E2F7: variants seen among roughly 807,000 people sequenced by gnomAD.
The protein encoded by E2F7 is transcription factor E2F7.
Under a neutral mutation model 81.1 loss-of-function variants are expected in E2F7, and 35 were observed. The ratio of observed to expected loss-of-function variants is 0.43; its 90% confidence interval spans 0.33 to 0.57. The LOEUF (loss-of-function observed/expected upper bound fraction) is 0.57. E2F7 is among the 20% of genes least tolerant of loss of function. E2F7 has a pLI of 0.04. For synonymous variants in E2F7, 416 were observed against 416.2 expected (o/e 1.00, Z 0.01); for missense variants, 961 against 1,093.7 (o/e 0.88, Z 1.71).
chr12:77,046,414 A>C, intron 4 of E2F7, 86 bp from the exon 5 acceptor site: 1 of 1,436,528 alleles, frequency 7.0e-7, no homozygotes. Flanking sequence ...TATATCTGTG[A>C]ACTACTTTGT....
At chr12:77,045,685 T>G in intron 5 of E2F7, 1 of 214,064 alleles carries the variant, frequency 4.7e-6, no homozygotes, top group Non-Finnish European at 9.4e-6. Flanking sequence ...TCTACTCCAG[T>G]ATATAATTAG....
chr12:77,051,338 A>C (rs1954986626), intron 3 of E2F7, among the ~76,000 whole-genome samples: 1 of 152,240 alleles, frequency 6.6e-6, no homozygotes, highest in African/African-American at 2.4e-5. Context: ...GCCCCAAGAA[A>C]GTAAAAGGCT....
At chr12:77,038,825 A>G (rs978447081) in intron 7 of E2F7, among the ~76,000 whole-genome samples, 1 of 152,176 alleles carries the variant, frequency 6.6e-6, no homozygotes, top group Non-Finnish European at 1.5e-5. Context: ...AAAGTTTTTA[A>G]CTACAGATAA....
chr12:77,041,549 CATT>C (rs1248803078), intron 7 of E2F7, among the ~76,000 whole-genome samples: 2 of 152,158 alleles, frequency 1.3e-5, no homozygotes, highest in Admixed American at 1.3e-4. Flanking sequence ...CTCTTTTAAT[CATT>C]GTCTGAAGAC....
chr12:77,039,851 T>C (rs1474993365), intron 7 of E2F7, among the ~76,000 whole-genome samples: 1 of 152,164 alleles, frequency 6.6e-6, no homozygotes, highest in Admixed American at 6.5e-5. Context: ...TACAAAGACA[T>C]GTACATAAAT....
At chr12:77,035,524 G>A (rs565043222) in intron 7 of E2F7, among the ~76,000 whole-genome samples, 7 of 152,244 alleles carry the variant, frequency 4.6e-5, no homozygotes, top group South Asian at 2.1e-4. Context: ...TGGGGAAAAC[G>A]TACTAAAGAC....
At chr12:77,037,315 G>A (rs137890356) in intron 7 of E2F7, among the ~76,000 whole-genome samples, 6 of 152,148 alleles carry the variant, frequency 3.9e-5, no homozygotes, top group African/African-American at 1.4e-4. Context: ...TGTGGGCCAG[G>A]CATAGTAGTT....
intron 7 of E2F7, among the ~76,000 whole-genome samples, chr12:77,037,461 C>A (rs892290475): frequency 6.6e-6 from 1 of 152,118 alleles, no homozygotes; most frequent in Non-Finnish European, 1.5e-5. Flanking sequence ...CAGTAACACA[C>A]TATGGGGTTT....
At chr12:77,033,245 G>T in intron 8 of E2F7, 123 bp from the exon 9 acceptor site, 1 of 901,930 alleles carries the variant, frequency 1.1e-6, no homozygotes, top group Non-Finnish European at 1.6e-6. Flanking sequence ...AATCTGTTAT[G>T]GTTTTGATTC....
intron 5 of E2F7, among the ~76,000 whole-genome samples, chr12:77,045,468 T>C (rs1954932280): frequency 6.6e-6 from 1 of 152,164 alleles, no homozygotes; most frequent in African/African-American, 2.4e-5. Context: ...TTCCATTTCT[T>C]ATATTTGCAA....
intron 2 of E2F7, among the ~76,000 whole-genome samples, chr12:77,060,504 A>G (rs1242516302): frequency 6.6e-6 from 1 of 152,186 alleles, no homozygotes; most frequent in Non-Finnish European, 1.5e-5. Flanking sequence ...ATCTCAAACA[A>G]TATACACAGT....
Position 77,046,194 on chromosome 12 carries a change from G to A in E2F7, c.673C>T (p.Leu225=), listed in dbSNP as rs779114667. The A allele has an allele frequency of 1.9e-5, 31 of 1,614,172 alleles. No individual in the cohort carries two copies. The highest frequency in any genetic ancestry group is 2.5e-5 in the Non-Finnish European group (29 of 1,180,032). The change falls in exon 5 of 13, where the codon CTA becomes TTA. Residue 225 remains leucine, a synonymous_variant. Transcript: ENST00000322886. ...TCTTCATATTTCTGCTCCTCTCCTAGTCTCTGGAGGTTCCTCAGGGTTTTT... is the reference window on the plus strand; with the variant it reads ...TCTTCATATTTCTGCTCCTCTCCTAATCTCTGGAGGTTCCTCAGGGTTTTT... ...LPKTLRNLQR[L]GEEQKYEEQM... is the part of the protein sequence containing the mutation.
intron 6 of E2F7, among the ~76,000 whole-genome samples, chr12:77,043,891 A>G (rs1325244800): frequency 1.3e-5 from 2 of 152,200 alleles, no homozygotes; most frequent in African/African-American, 2.4e-5. Context: ...CTATTCAAGA[A>G]ATTGATTTAC....
chr12:77,044,591 C>T (rs758793186), intron 6 of E2F7, 46 bp downstream of exon 6: 18 of 1,592,002 alleles, frequency 1.1e-5, no homozygotes, highest in Non-Finnish European at 1.5e-5. Flanking sequence ...CACATGAAAT[C>T]CCACCCTTTA....
chr12:77,043,230 G>A, intron 6 of E2F7, 31 bp from the exon 7 acceptor site: 1 of 1,613,444 alleles, frequency 6.2e-7, no homozygotes, highest in Non-Finnish European at 8.5e-7. Context: ...TTACGGTCAT[G>A]CTGCCTGTGA....
chr12:77,035,082 C>A (rs1450663538), intron 7 of E2F7, among the ~76,000 whole-genome samples: 1 of 152,204 alleles, frequency 6.6e-6, no homozygotes, highest in African/African-American at 2.4e-5. Context: ...GGACAGTGAT[C>A]TCTGTGAGAC....
In E2F7 at chr12:77,052,460, ACCT is replaced by A. The variant is rs566998039; in HGVS notation, c.370-1719_370-1717del. Among the ~76,000 whole-genome samples, 17 of 152,250 alleles carry A rather than the reference ACCT, an allele frequency of 1.1e-4. 1 individual carries two copies. The South Asian group carries it at 3.5e-3, about 32-fold the overall frequency. On this transcript the variant is annotated intron_variant, in intron 3 of 12. Transcript: ENST00000322886. ...ACTGCCAGCTAGGGGGAAGAGAAAG[ACCT>A]CCTGAATAAATGGTGCAGGGACAAC...
At chr12:77,032,252 G>A (rs992829642) in intron 9 of E2F7, among the ~76,000 whole-genome samples, 1 of 152,120 alleles carries the variant, frequency 6.6e-6, no homozygotes. Context: ...ACTCTTCTCT[G>A]GCTTTCAAAG....
chr12:77,047,812 G>A (rs769263565), intron 4 of E2F7, among the ~76,000 whole-genome samples: 3 of 152,202 alleles, frequency 2.0e-5, no homozygotes, highest in Non-Finnish European at 2.9e-5. Context: ...GGTGCTGGCA[G>A]GAGCAGGCAG....
Sources: allele counts gnomAD v4.1 joint callset (sites outside exome capture counted in the v4.1 genomes callset), GRCh38; gene constraint gnomAD v4.1.1; transcripts MANE v1.5; gene names NCBI Gene and HGNC (gene_info 2026-07-23, HGNC 2026-07-21).